Variants in RANBP17 observed in about 807,000 individuals in gnomAD.
The protein encoded by RANBP17 is RAN binding protein 17.
RANBP17 carries 158 observed loss-of-function variants against 141.2 expected under a neutral mutation model. The observed-to-expected ratio is 1.12, with a 90% confidence interval of 0.98 to 1.28. The LOEUF is 1.28. Among genes scored for constraint, RANBP17 ranks in the 50% most tolerant of loss-of-function variants. The pLI is 0.00. For synonymous variants in RANBP17, 430 were observed against 450.0 expected (o/e 0.96, Z 0.56); for missense variants, 1,438 against 1,290.7 (o/e 1.11, Z -1.75).
intron 25 of RANBP17, among the ~76,000 whole-genome samples, chr5:171,274,521 A>T (rs1581166044): frequency 1.3e-5 from 2 of 152,182 alleles, no homozygotes; most frequent in East Asian, 3.8e-4. Flanking sequence ...TTCAATGGTA[A>T]CAAAATTGGT....
intron 13 of RANBP17, among the ~76,000 whole-genome samples, chr5:170,958,808 CAAAT>C (rs1775926796): frequency 6.6e-6 from 1 of 151,998 alleles, no homozygotes; most frequent in African/African-American, 2.4e-5. Context: ...TTAAACATAG[CAAAT>C]AAATATATTT....
At chr5:170,996,873 C>T (rs775095551) in intron 14 of RANBP17, among the ~76,000 whole-genome samples, 4 of 152,106 alleles carry the variant, frequency 2.6e-5, no homozygotes, top group Non-Finnish European at 4.4e-5. Context: ...AGTTAAGTCC[C>T]CAAAACTGCA....
At chr5:170,906,888 A>G (rs1173733101) in intron 5 of RANBP17, among the ~76,000 whole-genome samples, 5 of 151,948 alleles carry the variant, frequency 3.3e-5, no homozygotes, top group African/African-American at 4.8e-5. Flanking sequence ...CTTTTAAGAA[A>G]AGCTTTAAGG....
intron 14 of RANBP17, among the ~76,000 whole-genome samples, chr5:171,081,857 A>C (rs1785274811): frequency 6.6e-6 from 1 of 152,134 alleles, no homozygotes; most frequent in African/African-American, 2.4e-5. Flanking sequence ...TCAGATGAAC[A>C]GTTCTTTTCC....
At chr5:171,029,817 A>G (rs182126032) in intron 14 of RANBP17, among the ~76,000 whole-genome samples, 19 of 152,230 alleles carry the variant, frequency 1.2e-4, no homozygotes, top group Admixed American at 1.1e-3. Context: ...TAATCCTTCA[A>G]AATGCACTTG....
chr5:171,111,493 C>T (rs369350502), intron 14 of RANBP17, among the ~76,000 whole-genome samples: 13 of 152,256 alleles, frequency 8.5e-5, no homozygotes, highest in African/African-American at 3.1e-4. Context: ...TGGCTTTCCC[C>T]TTCCCAGACA....
intron 22 of RANBP17, among the ~76,000 whole-genome samples, chr5:171,239,557 AG>A (rs1487047597): frequency 6.6e-6 from 1 of 152,180 alleles, no homozygotes; most frequent in Non-Finnish European, 1.5e-5. Context: ...TTGGAGGTTC[AG>A]GGGAAAAATA....
Position 171,134,468 on chromosome 5 carries a change from G to A in RANBP17, c.1711-35662G>A, listed in dbSNP as rs185429765. Among the ~76,000 whole-genome samples, 9 of 152,286 alleles carry A rather than the reference G, an allele frequency of 5.9e-5. No individual in the cohort carries two copies. The East Asian group carries it at 1.5e-3, about 26-fold the overall frequency. On this transcript the variant is annotated intron_variant, in intron 14 of 27. Coordinates refer to ENST00000523189, the MANE Select transcript of RANBP17 (RefSeq NM_022897.5). Reference sequence around the variant, plus strand: ...AATGGTTGGCATAGTCAAAGAATCTGTTTTTGAAGTTGTGGGAAATGTCTC... The same window carrying A: ...AATGGTTGGCATAGTCAAAGAATCTATTTTTGAAGTTGTGGGAAATGTCTC...
chr5:171,100,491 T>C (rs981393664), intron 14 of RANBP17, among the ~76,000 whole-genome samples: 1 of 152,144 alleles, frequency 6.6e-6, no homozygotes, highest in Non-Finnish European at 1.5e-5. Flanking sequence ...TCTTCTTTCT[T>C]TTCTTCATTA....
At chr5:171,183,074 G>T (rs1357900435) in intron 16 of RANBP17, 93 bp from the exon 17 acceptor site, 1 of 661,562 alleles carries the variant, frequency 1.5e-6, no homozygotes. Flanking sequence ...TTTATAAGTA[G>T]AAATTGATGC....
chr5:171,063,978 A>G (rs1784114613), intron 14 of RANBP17, among the ~76,000 whole-genome samples: 1 of 152,228 alleles, frequency 6.6e-6, no homozygotes, highest in Non-Finnish European at 1.5e-5. Context: ...GGTGCGGGAT[A>G]TAATCTCCTG....
chr5:171,004,403 C>T (rs570720031), intron 14 of RANBP17, among the ~76,000 whole-genome samples: 1 of 152,094 alleles, frequency 6.6e-6, no homozygotes, highest in African/African-American at 2.4e-5. Flanking sequence ...AAAAAGAGTG[C>T]ATAAAAGAAT....
chr5:171,217,123 G>T (rs879423937), intron 21 of RANBP17, among the ~76,000 whole-genome samples: 3 of 152,094 alleles, frequency 2.0e-5, no homozygotes, highest in African/African-American at 7.2e-5. Flanking sequence ...AGCATGGAGG[G>T]ATGTTGAATT....
chr5:171,082,100 C>T (rs1785288006), intron 14 of RANBP17, among the ~76,000 whole-genome samples: 1 of 152,078 alleles, frequency 6.6e-6, no homozygotes, highest in Admixed American at 6.6e-5. Context: ...TCTTCCTAGC[C>T]CTTAAAGCAG....
intron 13 of RANBP17, among the ~76,000 whole-genome samples, chr5:170,966,773 A>G (rs1776595395): frequency 6.6e-6 from 1 of 152,134 alleles, no homozygotes; most frequent in South Asian, 2.1e-4. Flanking sequence ...TGCAGATGAC[A>G]TGATTGTATA....
intron 12 of RANBP17, among the ~76,000 whole-genome samples, chr5:170,940,899 C>CT (rs35450164): frequency 1.2e-3 from 175 of 141,958 alleles, no homozygotes; most frequent in Middle Eastern, 3.6e-3. Flanking sequence ...ATAGAGACCA[C>CT]TTTTTTTTTT....
intron 14 of RANBP17, among the ~76,000 whole-genome samples, chr5:171,163,930 C>T (rs1202348974): frequency 6.6e-6 from 1 of 152,142 alleles, no homozygotes; most frequent in African/African-American, 2.4e-5. Context: ...GAAGTTATAG[C>T]ATCTTAAACA....
rs562963649 is a variant in RANBP17, at chr5:170,915,630, A to G, written c.835-835A>G. On this transcript the variant is annotated intron_variant, in intron 8 of 27. Transcript: ENST00000523189. The stretch of plus-strand genomic sequence containing the variant: ...TGATTTTTGTCTCTTTTCTCACCGT[A>G]AAGTACCTACCTTTTCCAGCACCAT... Among the ~76,000 whole-genome samples, 62 of 152,222 alleles carry G rather than the reference A, an allele frequency of 4.1e-4. 1 individual carries two copies. The South Asian group carries it at 0.012, about 31-fold the overall frequency.
intron 12 of RANBP17, among the ~76,000 whole-genome samples, chr5:170,937,880 TC>T (rs1167159207): frequency 6.6e-6 from 1 of 152,244 alleles, no homozygotes; most frequent in Non-Finnish European, 1.5e-5. Context: ...AGTGTTTGGT[TC>T]TTCAAAAGTA....
Sources: allele counts gnomAD v4.1 joint callset (sites outside exome capture counted in the v4.1 genomes callset), GRCh38; gene constraint gnomAD v4.1.1; transcripts MANE v1.5; gene names NCBI Gene and HGNC (gene_info 2026-07-23, HGNC 2026-07-21).